The following XNDC1N variants were observed in gnomAD, a reference collection of about 807,000 sequenced individuals.
XNDC1N encodes the protein protein XNDC1N.
chr11:71,890,671 C>T, the XNDC1N span, among the ~76,000 whole-genome samples: 4 of 152,030 alleles, frequency 2.6e-5, no homozygotes, highest in African/African-American at 9.7e-5. Flanking sequence ...AACAATATCA[C>T]AGGGGGTTGT....
chr11:71,909,699 G>A, the XNDC1N span, among the ~76,000 whole-genome samples: 14 of 152,176 alleles, frequency 9.2e-5, no homozygotes, highest in East Asian at 3.9e-4. Context: ...TCGGAGCCAC[G>A]GGGGTTTCAG....
chr11:71,878,052 T>C, the XNDC1N span, among the ~76,000 whole-genome samples: 1 of 152,230 alleles, frequency 6.6e-6, no homozygotes, highest in Non-Finnish European at 1.5e-5. Context: ...AAAATAGTAA[T>C]AAATAGGCAT....
the XNDC1N span, among the ~76,000 whole-genome samples, chr11:71,895,285 T>C: frequency 6.6e-6 from 1 of 152,088 alleles, no homozygotes; most frequent in Admixed American, 6.5e-5. Flanking sequence ...ATGTTGTTTT[T>C]TCTTACCATT....
chr11:71,905,476 T>G, the XNDC1N span, among the ~76,000 whole-genome samples: 3 of 151,232 alleles, frequency 2.0e-5, no homozygotes, highest in African/African-American at 7.3e-5. Flanking sequence ...GACATTACGG[T>G]AACATCTCCC....
the XNDC1N span, among the ~76,000 whole-genome samples, chr11:71,908,429 AATT>A: frequency 6.6e-6 from 1 of 151,960 alleles, no homozygotes; most frequent in Non-Finnish European, 1.5e-5. Flanking sequence ...TAAAATTGAT[AATT>A]ATTAGCGCCA....
the XNDC1N span, among the ~76,000 whole-genome samples, chr11:71,926,763 T>C: frequency 6.6e-6 from 1 of 151,922 alleles, no homozygotes; most frequent in East Asian, 1.9e-4. Flanking sequence ...TAGCTGGGTG[T>C]GGTGGCACAT....
the XNDC1N span, among the ~76,000 whole-genome samples, chr11:71,892,758 T>C: frequency 6.6e-6 from 1 of 152,062 alleles, no homozygotes; most frequent in Admixed American, 6.5e-5. Context: ...TGACCTCAGG[T>C]GATCCATCAG....
chr11:71,894,138 C>T, the XNDC1N span: 56 of 534,674 alleles, frequency 1.0e-4, no homozygotes, highest in Non-Finnish European at 5.4e-5. Flanking sequence ...AAATCGTCCC[C>T]TCCATTCTTA....
chr11:71,890,375 G>C, the XNDC1N span, among the ~76,000 whole-genome samples: 7 of 152,226 alleles, frequency 4.6e-5, no homozygotes, highest in Admixed American at 3.3e-4. Context: ...ACAATATCAC[G>C]GGGGATGTAT....
chr11:71,877,408 C>T, the XNDC1N span, among the ~76,000 whole-genome samples: 1 of 152,222 alleles, frequency 6.6e-6, no homozygotes, highest in South Asian at 2.1e-4. Flanking sequence ...GAGGCCGAGG[C>T]ATGTGGATCA....
the XNDC1N span, among the ~76,000 whole-genome samples, chr11:71,886,118 A>T: frequency 6.6e-6 from 1 of 152,082 alleles, no homozygotes; most frequent in Admixed American, 6.6e-5. Context: ...ATAGATGAGG[A>T]TGGTCACGTG....
chr11:71,914,719 C>G, the XNDC1N span, among the ~76,000 whole-genome samples: 1 of 151,098 alleles, frequency 6.6e-6, no homozygotes, highest in Non-Finnish European at 1.5e-5. Context: ...AGTAAGAGAA[C>G]TAGAAATAGA....
At chr11:71,910,702 C>T in the XNDC1N span, among the ~76,000 whole-genome samples, 3 of 152,138 alleles carry the variant, frequency 2.0e-5, no homozygotes, top group Admixed American at 1.3e-4. Flanking sequence ...CAACAGGGGT[C>T]GGAACACAGC....
the XNDC1N span, chr11:71,918,920 A>C: frequency 2.8e-6 from 2 of 702,902 alleles, no homozygotes; most frequent in Non-Finnish European, 5.2e-6. Flanking sequence ...TGCCCTCTCC[A>C]GCTGTAGTTC....
At chr11:71,910,667 G>C in the XNDC1N span, among the ~76,000 whole-genome samples, 1 of 152,184 alleles carries the variant, frequency 6.6e-6, no homozygotes, top group African/African-American at 2.4e-5. Flanking sequence ...GCCGACAGCA[G>C]GTACGTTACC....
chr11:71,884,357 A>G, the XNDC1N span: 5 of 1,478,808 alleles, frequency 3.4e-6, no homozygotes, highest in Non-Finnish European at 4.5e-6. Flanking sequence ...ACATTTAAAC[A>G]TAAAAAGTAA....
the XNDC1N span, among the ~76,000 whole-genome samples, chr11:71,891,789 A>G: frequency 6.6e-6 from 1 of 152,050 alleles, no homozygotes; most frequent in Non-Finnish European, 1.5e-5. Context: ...CCTGGATGTT[A>G]GAAAACAATA....
At chr11:71,886,273 G>A in the XNDC1N span, among the ~76,000 whole-genome samples, 2 of 152,278 alleles carry the variant, frequency 1.3e-5, no homozygotes, top group East Asian at 3.9e-4. Context: ...CCCCACCTGG[G>A]CTGATTGGCA....
At chr11:71,877,755 TG>T in the XNDC1N span, among the ~76,000 whole-genome samples, 1 of 152,266 alleles carries the variant, frequency 6.6e-6, no homozygotes, top group African/African-American at 2.4e-5. Context: ...AAGTAATTTG[TG>T]CCTCTCTGTC....
Sources: allele counts gnomAD v4.1 joint callset (sites outside exome capture counted in the v4.1 genomes callset), GRCh38; gene constraint gnomAD v4.1.1; transcripts MANE v1.5; gene names NCBI Gene and HGNC (gene_info 2026-07-23, HGNC 2026-07-21).